Variants in DNM3 observed in about 807,000 individuals in gnomAD.
DNM3 encodes dynamin 3.
DNM3 carries 47 observed loss-of-function variants against 101.6 expected under a neutral mutation model. The observed-to-expected ratio is 0.46, with a 90% CI of 0.37 to 0.59. DNM3 has a LOEUF of 0.59. DNM3 is among the 20% of genes least tolerant of loss of function. The probability of loss-of-function intolerance (pLI) is 0.00; values close to 1 mark genes in which losing one functional copy is unlikely to be tolerated. For missense variants in DNM3, 849 were observed against 1,085.7 expected, an observed-to-expected ratio of 0.78 and a Z score of 3.06; for synonymous variants, 385 against 387.9, an observed-to-expected ratio of 0.99 and a Z score of 0.09.
chr1:171,963,121 C>T (rs977363284), intron 2 of DNM3, among the ~76,000 whole-genome samples: 1 of 152,120 alleles, frequency 6.6e-6, no homozygotes, highest in Non-Finnish European at 1.5e-5. Context: ...ATTGCCCAAA[C>T]TTGGAAGCAA....
chr1:172,219,980 G>A (rs1340800696), intron 14 of DNM3, among the ~76,000 whole-genome samples: 2 of 152,178 alleles, frequency 1.3e-5, no homozygotes, highest in African/African-American at 4.8e-5. Context: ...GCTTTTTCTA[G>A]ATTGCAAGTA....
intron 2 of DNM3, among the ~76,000 whole-genome samples, chr1:171,975,795 T>G (rs930074545): frequency 4.6e-5 from 7 of 152,114 alleles, no homozygotes; most frequent in Admixed American, 2.0e-4. Flanking sequence ...AACATTGAGG[T>G]TGGAGAATTA....
intron 15 of DNM3, among the ~76,000 whole-genome samples, chr1:172,268,713 A>G (rs903522914): frequency 6.6e-6 from 1 of 152,200 alleles, no homozygotes; most frequent in African/African-American, 2.4e-5. Flanking sequence ...CATGAAAGAC[A>G]ACATAATTTC....
intron 15 of DNM3, among the ~76,000 whole-genome samples, chr1:172,261,861 C>A (rs1164811085): frequency 6.6e-6 from 1 of 152,140 alleles, no homozygotes; most frequent in Non-Finnish European, 1.5e-5. Context: ...GTCAACTGGC[C>A]TGGATGATCT....
chr1:172,148,070 A>G (rs1026878751), intron 14 of DNM3, among the ~76,000 whole-genome samples: 6 of 152,104 alleles, frequency 3.9e-5, no homozygotes, highest in Admixed American at 1.3e-4. Flanking sequence ...GGAAAAACTC[A>G]GTTTTTTTCT....
At chr1:172,197,350 C>T (rs1375944123) in intron 14 of DNM3, among the ~76,000 whole-genome samples, 2 of 152,034 alleles carry the variant, frequency 1.3e-5, no homozygotes, top group Admixed American at 6.6e-5. Flanking sequence ...ATGATGCCTC[C>T]AGCTTTGTTC....
intron 20 of DNM3, among the ~76,000 whole-genome samples, chr1:172,397,589 C>T (rs987765949): frequency 9.9e-5 from 15 of 152,160 alleles, no homozygotes; most frequent in African/African-American, 3.6e-4. Flanking sequence ...TTCAAACACT[C>T]TAAATTACTC....
intron 2 of DNM3, among the ~76,000 whole-genome samples, chr1:171,955,092 C>T (rs1382902346): frequency 6.6e-6 from 1 of 152,134 alleles, no homozygotes; most frequent in East Asian, 1.9e-4. Context: ...CAACCTTCTA[C>T]CTTGTAGTTC....
At chr1:171,916,667 T>G (rs2039736818) in intron 1 of DNM3, among the ~76,000 whole-genome samples, 1 of 152,344 alleles carries the variant, frequency 6.6e-6, no homozygotes, top group Admixed American at 6.5e-5. Flanking sequence ...CTGTCTTTGA[T>G]CTTTCTCTTC....
intron 14 of DNM3, among the ~76,000 whole-genome samples, chr1:172,184,869 C>G (rs2059468612): frequency 6.6e-6 from 1 of 152,076 alleles, no homozygotes; most frequent in Admixed American, 6.6e-5. Flanking sequence ...ATTTGATCCC[C>G]TAGTTGGTCT....
chr1:171,894,302 G>C (rs1362579159), intron 1 of DNM3, among the ~76,000 whole-genome samples: 1 of 152,220 alleles, frequency 6.6e-6, no homozygotes, highest in Non-Finnish European at 1.5e-5. Context: ...CTTGAGCAGG[G>C]AAAGTTGTGA....
At chr1:172,267,481 T>C (rs1316745566) in intron 15 of DNM3, among the ~76,000 whole-genome samples, 1 of 152,080 alleles carries the variant, frequency 6.6e-6, no homozygotes, top group Non-Finnish European at 1.5e-5. Flanking sequence ...TAGAAAGTAA[T>C]AACCTCGGTA....
chr1:172,124,566 T>G lies in DNM3; in HGVS notation c.1546-6609T>G, dbSNP rs922213109. On this transcript the variant is annotated intron_variant, in intron 13 of 20. Coordinates refer to ENST00000627582, the MANE Select transcript of DNM3 (RefSeq NM_015569.5). ...GGCTTCCTGAGGAGACATTCTCCCC[T>G]CTATCTCATTAATCCAGAGCCAGCT... Among the ~76,000 whole-genome samples the G allele has an allele frequency of 2.0e-5, 3 of 152,196 alleles. No individual in the cohort carries two copies. In the East Asian group the frequency reaches 5.8e-4, roughly 29 times the overall value.
chr1:172,389,891 T>C (rs922650269), intron 20 of DNM3, among the ~76,000 whole-genome samples: 2 of 152,180 alleles, frequency 1.3e-5, no homozygotes, highest in Non-Finnish European at 2.9e-5. Context: ...ACAGCAAGAA[T>C]AGGCAGGAGA....
In DNM3 at chr1:172,099,665, TTG is replaced by T. The variant is rs2054497678; in HGVS notation, c.1545+6793_1545+6794del. On this transcript the variant is annotated intron_variant, in intron 13 of 20. Coordinates refer to ENST00000627582, the MANE Select transcript of DNM3 (RefSeq NM_015569.5). ...AGGTTTTACTAAAATCAGAAAAAGT[TTG>T]TGCTAGGATTAAGGAAAAGAAATTA... 4.6e-5 allele frequency among the ~76,000 whole-genome samples: 7 copies of T among 152,126 alleles called. No individual in the cohort carries two copies. In the South Asian group the frequency reaches 1.5e-3, roughly 32 times the overall value.
At chr1:171,890,576 A>G in intron 1 of DNM3, among the ~76,000 whole-genome samples, 1 of 152,234 alleles carries the variant, frequency 6.6e-6, no homozygotes, top group East Asian at 1.9e-4. Flanking sequence ...CAGTTGAATT[A>G]ACTTATAACC....
intron 2 of DNM3, among the ~76,000 whole-genome samples, chr1:171,972,576 G>T (rs913461404): frequency 6.6e-6 from 1 of 152,196 alleles, no homozygotes; most frequent in Non-Finnish European, 1.5e-5. Flanking sequence ...TAGGCTTGGC[G>T]CAGTGGCTTA....
Position 172,408,120 on chromosome 1 carries a change from T to C in DNM3, c.*279T>C. 8.2e-7 allele frequency: 1 copy of C among 1,218,018 alleles called. No individual in the cohort carries two copies. The highest frequency in any genetic ancestry group is 1.0e-6 in the Non-Finnish European group (1 of 972,784). The allele number at this position is 1,218,018 out of a possible 1,614,324, so 75.5% of individuals were successfully genotyped here. A position where few individuals can be genotyped will look rare whatever the true frequency, so the allele number is the denominator to read the frequency against. On this transcript the variant is annotated 3_prime_UTR_variant, in exon 21 of 21. Coordinates refer to ENST00000627582, the MANE Select transcript of DNM3 (RefSeq NM_015569.5). ...TACTTTGGGGATCATTTGCCTACCA[T>C]GGCATATATTTGAAATTGCTTTGGA...
intron 2 of DNM3, among the ~76,000 whole-genome samples, chr1:171,953,441 C>T (rs546224683): frequency 1.9e-3 from 268 of 142,890 alleles, no homozygotes; most frequent in African/African-American, 6.6e-3. Context: ...TTTTTTTTTC[C>T]TCCCAAGATA....
Sources: gnomAD v4.1 joint callset for allele counts (sites outside exome capture counted in the v4.1 genomes callset) on GRCh38, gnomAD v4.1.1 for gene constraint, MANE v1.5 for transcripts, NCBI Gene and HGNC (gene_info 2026-07-23, HGNC 2026-07-21) for gene names.